CACNB2: variants seen among roughly 807,000 people sequenced by gnomAD.
The protein encoded by CACNB2 is calcium voltage-gated channel auxiliary subunit beta 2.
A neutral mutation model predicts 73.3 loss-of-function variants in CACNB2; 42 were observed. That is an observed-to-expected ratio of 0.57 (90% CI 0.45 to 0.74). The LOEUF is 0.74. Ranked by LOEUF, CACNB2 falls within the 30% of genes least tolerant of loss-of-function variation. The probability of loss-of-function intolerance (pLI) is 0.00; values close to 1 mark genes in which losing one functional copy is unlikely to be tolerated. For synonymous variants in CACNB2, 348 were observed against 310.3 expected (o/e 1.12, Z -1.28); for missense variants, 940 against 853.0 (o/e 1.10, Z -1.27).
intron 2 of CACNB2, among the ~76,000 whole-genome samples, chr10:18,390,190 C>T (rs769193396): frequency 2.6e-5 from 4 of 152,158 alleles, no homozygotes; most frequent in Admixed American, 6.6e-5. Context: ...AAAGGCCTGG[C>T]ACTTGGATGT....
intron 2 of CACNB2, among the ~76,000 whole-genome samples, chr10:18,221,362 C>T (rs555144905): frequency 6.6e-6 from 1 of 152,212 alleles, no homozygotes; most frequent in Middle Eastern, 3.4e-3. Context: ...TTTCAGAATT[C>T]ATTACATAGT....
rs930009201 is a variant in CACNB2 at position 18,366,460 on chromosome 10, G to A, written c.214-35464G>A. Among the ~76,000 whole-genome samples, 345 of 118,080 alleles carry A rather than the reference G, an allele frequency of 2.9e-3. 3 individuals carry two copies. The highest frequency in any genetic ancestry group is 0.011 in the African/African-American group (332 of 30,280). 77.5% of individuals were successfully genotyped at this position (118,080 alleles called of 152,430 possible). A position where few individuals can be genotyped will look rare whatever the true frequency, so the allele number is the denominator to read the frequency against. On this transcript the variant is annotated intron_variant, in intron 2 of 13. Transcript: ENST00000324631. ...AGCCTGGGCGACAGAGTGAGACTCC[G>A]TCTCAAAAAAAAAAAAAAAAAAATT... is the stretch of plus-strand genomic sequence containing the variant.
rs544951689 is a variant in CACNB2, at chr10:18,201,095, T to C, written c.213+50120T>C. On this transcript the variant is annotated intron_variant, in intron 2 of 13. Transcript: ENST00000324631. Reference sequence around the variant, plus strand: ...CCTCTAGGAGAGTTATATGTTTGTGTATTTCTTAATAACTTACTACTGGGA... The same window carrying C: ...CCTCTAGGAGAGTTATATGTTTGTGCATTTCTTAATAACTTACTACTGGGA... 3.9e-5 allele frequency among the ~76,000 whole-genome samples: 6 copies of C among 152,298 alleles called. No homozygotes were observed. In the East Asian group the frequency reaches 1.2e-3, roughly 29 times the overall value.
chr10:18,383,321 T>C (rs529730008), intron 2 of CACNB2, among the ~76,000 whole-genome samples: 78 of 152,320 alleles, frequency 5.1e-4, no homozygotes, highest in Admixed American at 1.4e-3. Context: ...CGATCTGCTG[T>C]ATGTCTGAAG....
chr10:18,481,405 C>G (rs1301196840), intron 3 of CACNB2, among the ~76,000 whole-genome samples: 1 of 150,406 alleles, frequency 6.6e-6, no homozygotes, highest in Non-Finnish European at 1.5e-5. Context: ...CACCATCATG[C>G]CCGGCTAGTT....
intron 12 of CACNB2, among the ~76,000 whole-genome samples, chr10:18,536,514 G>A (rs557792772): frequency 8.4e-4 from 128 of 151,580 alleles, no homozygotes; most frequent in African/African-American, 2.9e-3. Context: ...CTCCTGCCTT[G>A]GTCTTCCAAA....
At chr10:18,417,360 C>CTTTTTTTTTTTTTTTTTTTTTTTT (rs34847923) in intron 3 of CACNB2, among the ~76,000 whole-genome samples, 1 of 87,016 alleles carries the variant, frequency 1.1e-5, no homozygotes, top group Non-Finnish European at 2.0e-5. Flanking sequence ...GCTAAAAATT[C>CTTTTTTTTTTTTTTTTTTTTTTTT]TTTTTTTTTT....
chr10:18,217,443 C>T (rs530741468), intron 2 of CACNB2, among the ~76,000 whole-genome samples: 24 of 151,808 alleles, frequency 1.6e-4, no homozygotes, highest in African/African-American at 5.6e-4. Flanking sequence ...AAGATCGTGC[C>T]GCTGTACTCC....
intron 7 of CACNB2, among the ~76,000 whole-genome samples, chr10:18,516,663 A>ATT (rs2051312069): frequency 6.6e-6 from 1 of 152,252 alleles, no homozygotes; most frequent in African/African-American, 2.4e-5. Context: ...CATTCTTCTT[A>ATT]TGTTATTGAT....
At chr10:18,146,841 T>G (rs1225584429) in intron 1 of CACNB2, among the ~76,000 whole-genome samples, 2 of 152,178 alleles carry the variant, frequency 1.3e-5, no homozygotes, top group African/African-American at 2.4e-5. Context: ...CAGGCTAGTG[T>G]CAAACTCCTG....
chr10:18,474,205 G>C (rs1277462305), intron 3 of CACNB2, among the ~76,000 whole-genome samples: 1 of 152,162 alleles, frequency 6.6e-6, no homozygotes, highest in African/African-American at 2.4e-5. Context: ...GCTGGCGGGA[G>C]AATAATGTGT....
chr10:18,512,123 T>G (rs867687108), intron 6 of CACNB2, among the ~76,000 whole-genome samples: 1 of 152,200 alleles, frequency 6.6e-6, no homozygotes, highest in Admixed American at 6.5e-5. Flanking sequence ...AAGTACTATA[T>G]TTTCAGGTGG....
chr10:18,504,981 C>T (rs1320793032), intron 5 of CACNB2, among the ~76,000 whole-genome samples: 1 of 152,050 alleles, frequency 6.6e-6, no homozygotes, highest in East Asian at 1.9e-4. Flanking sequence ...GTTTTGAGGA[C>T]ATAACCAGAA....
At chr10:18,457,134 C>T (rs997345326) in intron 3 of CACNB2, among the ~76,000 whole-genome samples, 3 of 152,134 alleles carry the variant, frequency 2.0e-5, no homozygotes, top group African/African-American at 7.2e-5. Flanking sequence ...ACTCTGTGTC[C>T]AAGCTGCAGT....
At chr10:18,446,544 G>C (rs2046744677) in intron 3 of CACNB2, among the ~76,000 whole-genome samples, 2 of 152,202 alleles carry the variant, frequency 1.3e-5, no homozygotes, top group Middle Eastern at 3.4e-3. Flanking sequence ...GAGAGGAGAT[G>C]GGTGATAAAG....
At chr10:18,400,992 C>A (rs1193194154) in intron 2 of CACNB2, 3 of 1,613,526 alleles carry the variant, frequency 1.9e-6, no homozygotes, top group African/African-American at 2.7e-5. Context: ...AACCTGTGCC[C>A]GGGGCTGCAG....
chr10:18,469,431 A>C (rs944607540), intron 3 of CACNB2, among the ~76,000 whole-genome samples: 8 of 152,016 alleles, frequency 5.3e-5, no homozygotes, highest in African/African-American at 1.9e-4. Flanking sequence ...ATCCCACTTG[A>C]TGTATTTAAT....
rs2034179339 is a variant in CACNB2 at position 18,186,898 on chromosome 10, A to ACCTGT, written c.213+35923_213+35924insCCTGT. 4.6e-5 allele frequency among the ~76,000 whole-genome samples: 7 copies of ACCTGT among 152,324 alleles called. No individual in the cohort carries two copies. The South Asian group carries it at 1.4e-3, about 32-fold the overall frequency. On this transcript the variant is annotated intron_variant, in intron 2 of 13. Coordinates refer to ENST00000324631, the MANE Select transcript of CACNB2 (RefSeq NM_201596.3). ...AAAACGAATGGGGCAGCTTTTGTAC[A>ACCTGT]ACTGTCACTATGTAGCGCCCTAGGG... is the stretch of plus-strand genomic sequence containing the variant.
intron 3 of CACNB2, among the ~76,000 whole-genome samples, chr10:18,482,229 A>C (rs964383814): frequency 5.3e-5 from 8 of 152,188 alleles, no homozygotes; most frequent in Admixed American, 6.5e-5. Flanking sequence ...GATATATTTA[A>C]GCAACAGGAC....
Sources: allele counts gnomAD v4.1 joint callset (sites outside exome capture counted in the v4.1 genomes callset), GRCh38; gene constraint gnomAD v4.1.1; transcripts MANE v1.5; gene names NCBI Gene and HGNC (gene_info 2026-07-23, HGNC 2026-07-21).